The following POLR2M variants were observed in gnomAD, a reference collection of about 807,000 sequenced individuals.
POLR2M encodes the protein RNA polymerase II subunit M, also known as protein GRINL1A.
POLR2M carries 30 observed loss-of-function variants against 34.6 expected under a neutral mutation model. The ratio of observed to expected loss-of-function variants is 0.87; its 90% confidence interval spans 0.65 to 1.18. The LOEUF (loss-of-function observed/expected upper bound fraction) is 1.18. Among genes scored for constraint, POLR2M ranks in the 50% most tolerant of loss-of-function variants. The probability of loss-of-function intolerance (pLI) is 0.00; values close to 1 mark genes in which losing one functional copy is unlikely to be tolerated. For synonymous variants in POLR2M, 150 were observed against 166.7 expected (o/e 0.90, Z 0.77); for missense variants, 432 against 448.7 (o/e 0.96, Z 0.34).
rs1770223183 is a variant in POLR2M at position 57,717,444 on chromosome 15, C to T, written c.*2765C>T. On this transcript the variant is annotated 3_prime_UTR_variant, in exon 4 of 4. Transcript: ENST00000299638. ...TTTCCCCCAGAGCTAACTATCCTGACGTATGGTAATTCTCCCTCTGTCCTT... is the reference window on the plus strand; with the variant it reads ...TTTCCCCCAGAGCTAACTATCCTGATGTATGGTAATTCTCCCTCTGTCCTT... 1 of 152,150 alleles carries T rather than the reference C, an allele frequency of 6.6e-6. No individual in the cohort carries two copies. The highest frequency in any genetic ancestry group is 1.5e-5 in the Non-Finnish European group (1 of 68,026). 9.4% of individuals were successfully genotyped at this position (152,150 alleles called of 1,614,324 possible).
chr15:57,712,638 G>T (rs1424495413), intron 3 of POLR2M, among the ~76,000 whole-genome samples: 8 of 152,154 alleles, frequency 5.3e-5, no homozygotes, highest in Admixed American at 3.9e-4. Context: ...AGGAGTGGGA[G>T]GATAATGTTG....
At chr15:57,711,916 G>GA in intron 2 of POLR2M, 68 bp from the exon 3 acceptor site, 1 of 1,565,556 alleles carries the variant, frequency 6.4e-7, no homozygotes, top group Non-Finnish European at 8.7e-7. Flanking sequence ...GGCCATTTGT[G>GA]TGAATGTTTT....
Position 57,714,409 on chromosome 15 carries a change from T to A in POLR2M, c.964-127T>A, listed in dbSNP as rs778808461. On this transcript the variant is annotated intron_variant, in intron 3 of 3. Coordinates refer to ENST00000299638, the MANE Select transcript of POLR2M (RefSeq NM_015532.5). ...TAGGGCACAGCCATCAGGCTTGTAT[T>A]GCCCAAGGGAGCACTCAGTGAGGTG... 4 of 1,486,612 alleles carry A rather than the reference T, an allele frequency of 2.7e-6. 1 individual carries two copies. In the South Asian group the frequency reaches 4.0e-5, roughly 15 times the overall value. The allele number at this position is 1,486,612 out of a possible 1,614,324, so 92.1% of individuals were successfully genotyped here. A position where few individuals can be genotyped will look rare whatever the true frequency, so the allele number is the denominator to read the frequency against.
chr15:57,708,867 T>C lies in POLR2M; in HGVS notation c.267T>C (p.Ile89=). 6.2e-7 allele frequency: 1 copy of C among 1,614,008 alleles called. No individual in the cohort carries two copies. The highest frequency in any genetic ancestry group is 8.5e-7 in the Non-Finnish European group (1 of 1,179,896). ...SLDCKLRQKA[I]AEVDVGTDKA... ...ACTGTAAGCTAAGGCAAAAAGCAAT[T>C]GCAGAAGTTGATGTGGGTACAGATA... Residue 89 remains isoleucine, a synonymous_variant, in exon 2 of 4, where the codon ATT becomes ATC. Transcript: ENST00000299638.
At position 57,715,817 on chromosome 15, in the gene POLR2M, A is replaced by C. The variant is rs571813983; in HGVS notation, c.*1138A>C. 1 of 152,384 alleles carries C rather than the reference A, an allele frequency of 6.6e-6. No individual in the cohort carries two copies. Among genetic ancestry groups the C allele is most frequent in the South Asian group, 2.1e-4 (1 of 4,832 alleles). The allele number at this position is 152,384 out of a possible 1,614,324, so 9.4% of individuals were successfully genotyped here. A position where few individuals can be genotyped will look rare whatever the true frequency, so the allele number is the denominator to read the frequency against. On this transcript the variant is annotated 3_prime_UTR_variant, in exon 4 of 4. Coordinates refer to ENST00000299638, the MANE Select transcript of POLR2M (RefSeq NM_015532.5). The stretch of plus-strand genomic sequence containing the variant: ...ATTAATTAGAACAACTTCAAATGCT[A>C]AGGTGATGTTTTACCGGGACTTAAT...
chr15:57,711,916 G>T (rs1295117351), intron 2 of POLR2M, 68 bp from the exon 3 acceptor site: 1 of 1,565,440 alleles, frequency 6.4e-7, no homozygotes, highest in Admixed American at 1.8e-5. Flanking sequence ...GGCCATTTGT[G>T]TGAATGTTTT....
At position 57,709,312 on chromosome 15, in the gene POLR2M, C is replaced by T. The variant is rs746134082; in HGVS notation, c.712C>T (p.Arg238Ter). The T allele has an allele frequency of 4.3e-6, 7 of 1,613,800 alleles. No individual in the cohort carries two copies. The highest frequency in any genetic ancestry group is 2.7e-5 in the African/African-American group (2 of 74,890). ...KPHYMEVLEMRAKNPVPQLRK... is the reference protein window; with the variant it reads ...KPHYMEVLEM The stretch of plus-strand genomic sequence containing the variant: ...TCATTACATGGAAGTGCTAGAAATG[C>T]GAGCCAAAAACCCAGTGCCCCAGCT... The change falls in exon 2 of 4, where the codon CGA (arginine) becomes TGA (stop). Residue 238 changes from arginine to a stop codon, truncating the protein, a stop_gained. Coordinates refer to ENST00000299638, the MANE Select transcript of POLR2M (RefSeq NM_015532.5). LOFTEE classifies it high-confidence loss of function.
At chr15:57,709,713 C>T (rs775416495) in intron 2 of POLR2M, among the ~76,000 whole-genome samples, 2 of 152,082 alleles carry the variant, frequency 1.3e-5, no homozygotes, top group African/African-American at 4.8e-5. Context: ...TCTTTTAAAG[C>T]ACATGGGGGA....
chr15:57,711,437 C>G (rs2040708608), intron 2 of POLR2M, among the ~76,000 whole-genome samples: 1 of 152,196 alleles, frequency 6.6e-6, no homozygotes, highest in African/African-American at 2.4e-5. Flanking sequence ...TTCTCGCTGT[C>G]TTTTCTGTGT....
At chr15:57,712,905 C>A (rs2040791046) in intron 3 of POLR2M, among the ~76,000 whole-genome samples, 1 of 152,294 alleles carries the variant, frequency 6.6e-6, no homozygotes, top group Non-Finnish European at 1.5e-5. Context: ...TCCAGGAGAA[C>A]AGTATCCTGT....
At chr15:57,712,492 G>A (rs1343850081) in intron 3 of POLR2M, among the ~76,000 whole-genome samples, 1 of 152,102 alleles carries the variant, frequency 6.6e-6, no homozygotes, top group Non-Finnish European at 1.5e-5. Flanking sequence ...TAGTAGCATC[G>A]CATCTCTCCC....
chr15:57,708,778 G>A lies in POLR2M; in HGVS notation c.178G>A (p.Ala60Thr), dbSNP rs1452231521. ...CTTTGACTCTTTTGCCAAACTGAAAGCTGCCATTGCAGAATGTGAAGAAGT... is the reference window on the plus strand; with the variant it reads ...CTTTGACTCTTTTGCCAAACTGAAAACTGCCATTGCAGAATGTGAAGAAGT... ...KIFDSFAKLK[A>T]AIAECEEVRR... Residue 60 changes from alanine to threonine, a missense_variant, in exon 2 of 4, where the codon GCT (alanine) becomes ACT (threonine). Ala to Thr is a moderately conservative substitution (Grantham distance 58). Coordinates refer to ENST00000299638, the MANE Select transcript of POLR2M (RefSeq NM_015532.5). 6.2e-7 allele frequency: 1 copy of A among 1,608,962 alleles called. No homozygotes were observed. The highest frequency in any genetic ancestry group is 2.2e-5 in the East Asian group (1 of 44,876).
intron 3 of POLR2M, among the ~76,000 whole-genome samples, chr15:57,712,457 T>C (rs2040766500): frequency 6.6e-6 from 1 of 152,238 alleles, no homozygotes; most frequent in Non-Finnish European, 1.5e-5. Context: ...AAAGCTCATT[T>C]ACCTGCCTGT....
At chr15:57,707,386 A>T in intron 1 of POLR2M, 5 of 685,028 alleles carry the variant, frequency 7.3e-6, no homozygotes, top group Non-Finnish European at 1.3e-5. Flanking sequence ...TTAGGCCGGG[A>T]AAGTTCGACC....
intron 2 of POLR2M, among the ~76,000 whole-genome samples, chr15:57,710,093 A>AG (rs2040650927): frequency 6.6e-6 from 1 of 152,224 alleles, no homozygotes; most frequent in African/African-American, 2.4e-5. Flanking sequence ...AAGGAGTTTA[A>AG]GAGCTACATG....
At chr15:57,713,008 G>A (rs1001026831) in intron 3 of POLR2M, among the ~76,000 whole-genome samples, 25 of 152,008 alleles carry the variant, frequency 1.6e-4, no homozygotes, top group Admixed American at 2.0e-4. Flanking sequence ...CGAGACCAGC[G>A]TGGGCAACAT....
Position 57,715,872 on chromosome 15 carries a change from CTG to C in POLR2M, c.*1195_*1196del, listed in dbSNP as rs1273177548. On this transcript the variant is annotated 3_prime_UTR_variant, in exon 4 of 4. Coordinates refer to ENST00000299638, the MANE Select transcript of POLR2M (RefSeq NM_015532.5). Reference sequence around the variant, plus strand: ...TACAACTTTTTCCTTTCGAAAAAGACTGTTCACATTTGCTTCCAGGTGTAATT... The same window carrying C: ...TACAACTTTTTCCTTTCGAAAAAGACTTCACATTTGCTTCCAGGTGTAATT... The C allele has an allele frequency of 2.6e-4, 40 of 152,264 alleles. No homozygotes were observed. The highest frequency in any genetic ancestry group is 9.4e-4 in the African/African-American group (39 of 41,470). The allele number at this position is 152,264 out of a possible 1,614,324, so 9.4% of individuals were successfully genotyped here.
chr15:57,714,377 T>G (rs1327817485), intron 3 of POLR2M, among the ~76,000 whole-genome samples, 159 bp from the exon 4 acceptor site: 1 of 152,134 alleles, frequency 6.6e-6, no homozygotes, highest in African/African-American at 2.4e-5. Flanking sequence ...TACCCAGTTG[T>G]GTCTGATAGG....
chr15:57,707,036 G>C, intron 1 of POLR2M, 81 bp downstream of exon 1: 1 of 1,551,784 alleles, frequency 6.4e-7, no homozygotes, highest in Non-Finnish European at 8.7e-7. Flanking sequence ...CCCGCACTCT[G>C]TTCCCTTCCC....
Sources: allele counts gnomAD v4.1 joint callset (sites outside exome capture counted in the v4.1 genomes callset), GRCh38; gene constraint gnomAD v4.1.1; transcripts MANE v1.5; gene names NCBI Gene and HGNC (gene_info 2026-07-23, HGNC 2026-07-21).